The following C10orf90 variants were observed in gnomAD, a reference collection of about 807,000 sequenced individuals.
C10orf90 encodes chromosome 10 open reading frame 90.
Under a neutral mutation model 62.5 loss-of-function variants are expected in C10orf90, and 56 were observed. The ratio of observed to expected loss-of-function variants is 0.90; its 90% confidence interval spans 0.72 to 1.12. The LOEUF is 1.12. Ranked by LOEUF, C10orf90 falls within the 50% of genes most tolerant of loss-of-function variation. The pLI, the probability that C10orf90 is intolerant of heterozygous loss-of-function variation, is 0.00. For missense variants in C10orf90, 970 were observed against 880.4 expected, an observed-to-expected ratio of 1.10 and a Z score of -1.29; for synonymous variants, 386 against 340.4, an observed-to-expected ratio of 1.13 and a Z score of -1.47.
At chr10:126,533,058 G>C (rs1864146887) in intron 2 of C10orf90, among the ~76,000 whole-genome samples, 1 of 150,612 alleles carries the variant, frequency 6.6e-6, no homozygotes, top group South Asian at 2.1e-4. Flanking sequence ...TCAGCCTCCG[G>C]AGTAGCTGGG....
At chr10:126,634,126 T>C (rs577981402) in intron 2 of C10orf90, among the ~76,000 whole-genome samples, 13 of 152,340 alleles carry the variant, frequency 8.5e-5, no homozygotes, top group African/African-American at 3.1e-4. Context: ...ATCCCACTTC[T>C]AGGTATATAT....
At chr10:126,668,993 A>C (rs1846691864) in intron 1 of C10orf90, among the ~76,000 whole-genome samples, 1 of 136,762 alleles carries the variant, frequency 7.3e-6, no homozygotes, top group Non-Finnish European at 1.6e-5. Flanking sequence ...AGGGTTTAAA[A>C]TGAAGCTATG....
At chr10:126,549,954 T>A (rs1420146397) in intron 2 of C10orf90, among the ~76,000 whole-genome samples, 4 of 123,698 alleles carry the variant, frequency 3.2e-5, no homozygotes, top group Non-Finnish European at 6.9e-5. Context: ...TCTGTAAAGC[T>A]TTCTTTTTTT....
intron 1 of C10orf90, among the ~76,000 whole-genome samples, chr10:126,659,539 C>T (rs1027761630): frequency 2.0e-5 from 3 of 152,108 alleles, no homozygotes; most frequent in Non-Finnish European, 2.9e-5. Context: ...GTTATTATTC[C>T]TAAATTTGGG....
At chr10:126,568,931 A>G (rs1844448027) in intron 2 of C10orf90, among the ~76,000 whole-genome samples, 1 of 152,148 alleles carries the variant, frequency 6.6e-6, no homozygotes, top group Non-Finnish European at 1.5e-5. Context: ...GGCACCTCCC[A>G]GCCAAGGGAT....
Position 126,562,144 on chromosome 10 carries a change from C to T in C10orf90, c.314-48205G>A, listed in dbSNP as rs1055226195. Among the ~76,000 whole-genome samples, 11 of 152,152 alleles carry T rather than the reference C, an allele frequency of 7.2e-5. 1 individual carries two copies. The highest frequency in any genetic ancestry group is 4.6e-4 in the Admixed American group (7 of 15,272). On this transcript the variant is annotated intron_variant, in intron 2 of 9. Transcript: ENST00000488181. ...CAGCTTCCTGCCGGCGTTAGTTTATCCAGAACCTCTATGAGCATGGCCCAG... is the reference window on the plus strand; with the variant it reads ...CAGCTTCCTGCCGGCGTTAGTTTATTCAGAACCTCTATGAGCATGGCCCAG...
At chr10:126,514,925 T>C (rs1407536362) in intron 2 of C10orf90, among the ~76,000 whole-genome samples, 1 of 152,152 alleles carries the variant, frequency 6.6e-6, no homozygotes, top group East Asian at 1.9e-4. Context: ...GGGTAACCAC[T>C]CTGCCTCTGC....
chr10:126,548,218 T>C (rs1864546619), intron 2 of C10orf90, among the ~76,000 whole-genome samples: 1 of 152,166 alleles, frequency 6.6e-6, no homozygotes, highest in Non-Finnish European at 1.5e-5. Flanking sequence ...TGAAATTCAA[T>C]GTAACTAGAA....
chr10:126,431,208 A>G (rs1358603731), intron 7 of C10orf90, among the ~76,000 whole-genome samples: 2 of 152,252 alleles, frequency 1.3e-5, no homozygotes, highest in African/African-American at 4.8e-5. Flanking sequence ...AACTTACTTT[A>G]TGGAGAACAA....
At position 126,453,212 on chromosome 10, in the gene C10orf90, C is replaced by A. The variant is rs577178589; in HGVS notation, c.2188+5828G>T. 1.3e-5 allele frequency among the ~76,000 whole-genome samples: 2 copies of A among 152,158 alleles called. No individual in the cohort carries two copies. Among genetic ancestry groups the A allele is most frequent in the Non-Finnish European group, 2.9e-5 (2 of 68,032 alleles). ...CTGACTTGGCTCACCTTGGGAAGTG[C>A]GGATAATGCAATTTGGATGAATTCA... On this transcript the variant is annotated intron_variant, in intron 7 of 9. Coordinates refer to ENST00000488181, the MANE Select transcript of C10orf90 (RefSeq NM_001350921.2). The surrounding 1 kb of genome is among the most constrained non-coding windows in gnomAD (Gnocchi z 4.9).
chr10:126,541,704 G>A (rs1341888519), intron 2 of C10orf90, among the ~76,000 whole-genome samples: 26 of 152,306 alleles, frequency 1.7e-4, no homozygotes, highest in Non-Finnish European at 4.4e-5. Flanking sequence ...AATAACAAGT[G>A]TTGGTGAGGA....
At chr10:126,606,775 G>T (rs1845321466) in intron 2 of C10orf90, among the ~76,000 whole-genome samples, 1 of 152,118 alleles carries the variant, frequency 6.6e-6, no homozygotes, top group Admixed American at 6.5e-5. Context: ...GCTTTTGTTG[G>T]GGTATTTTGG....
chr10:126,642,350 G>A (rs1044065376), intron 2 of C10orf90, among the ~76,000 whole-genome samples: 4 of 152,074 alleles, frequency 2.6e-5, no homozygotes, highest in African/African-American at 9.7e-5. Flanking sequence ...GGCTAACATG[G>A]TGAAACCCCG....
At chr10:126,437,253 C>G (rs557892063) in intron 7 of C10orf90, among the ~76,000 whole-genome samples, 1 of 152,292 alleles carries the variant, frequency 6.6e-6, no homozygotes, top group Admixed American at 6.5e-5. Context: ...TTGTGGTTCT[C>G]AAAGGAGGGA....
At chr10:126,480,100 T>C (rs2133800027) in intron 4 of C10orf90, among the ~76,000 whole-genome samples, 1 of 152,346 alleles carries the variant, frequency 6.6e-6, no homozygotes, top group East Asian at 1.9e-4. Flanking sequence ...AAGAATATTT[T>C]TAAAAAGATA....
chr10:126,445,484 G>T (rs1370676501), intron 7 of C10orf90, among the ~76,000 whole-genome samples: 1 of 152,088 alleles, frequency 6.6e-6, no homozygotes, highest in Non-Finnish European at 1.5e-5. Flanking sequence ...ACTTCTGCAA[G>T]AATGGCCATA....
chr10:126,618,212 C>T (rs150850014), intron 2 of C10orf90, among the ~76,000 whole-genome samples: 1 of 152,212 alleles, frequency 6.6e-6, no homozygotes, highest in South Asian at 2.1e-4. Flanking sequence ...AAGAGAGACA[C>T]TACCATCAAC....
At chr10:126,429,016 C>T (rs186485140) in intron 8 of C10orf90, among the ~76,000 whole-genome samples, 2 of 152,200 alleles carry the variant, frequency 1.3e-5, no homozygotes, top group African/African-American at 4.8e-5. Context: ...AGTATTCTCC[C>T]TATTTCAATG....
chr10:126,514,483 T>C (rs1052687724), intron 2 of C10orf90, among the ~76,000 whole-genome samples: 8 of 152,220 alleles, frequency 5.3e-5, no homozygotes, highest in African/African-American at 1.9e-4. Context: ...TCTGTGAGTA[T>C]CTGCCACAAA....
Sources: gnomAD v4.1 joint callset for allele counts (sites outside exome capture counted in the v4.1 genomes callset) on GRCh38, gnomAD v4.1.1 for gene constraint, Gnocchi (gnomAD v3.1) non-coding constraint, MANE v1.5 for transcripts, NCBI Gene and HGNC (gene_info 2026-07-23, HGNC 2026-07-21) for gene names.